Variants in LRP1B observed in about 807,000 individuals in gnomAD.
The protein encoded by LRP1B is low-density lipoprotein receptor-related protein 1B.
In LRP1B, 217 loss-of-function variants were observed where a neutral mutation model predicts 556.6. That is an observed-to-expected ratio of 0.39 (90% CI 0.35 to 0.44). The LOEUF is 0.44. Ranked by LOEUF, LRP1B falls within the 20% of genes least tolerant of loss-of-function variation. The pLI, the probability that LRP1B is intolerant of heterozygous loss-of-function variation, is 1.00. For synonymous variants in LRP1B, 2,047 were observed against 1,865.8 expected (o/e 1.10, Z -2.50); for missense variants, 5,053 against 5,620.8 (o/e 0.90, Z 3.23).
intron 2 of LRP1B, among the ~76,000 whole-genome samples, chr2:141,624,484 T>C (rs1282712890): frequency 2.0e-5 from 3 of 152,134 alleles, no homozygotes; most frequent in Non-Finnish European, 4.4e-5. Flanking sequence ...TTTTTAAATA[T>C]CTATTTAGAA....
At chr2:141,939,220 C>T (rs1040463518) in intron 1 of LRP1B, among the ~76,000 whole-genome samples, 2 of 151,724 alleles carry the variant, frequency 1.3e-5, no homozygotes, top group East Asian at 3.9e-4. Flanking sequence ...TGTATATATA[C>T]ATCAAAATGG....
intron 6 of LRP1B, among the ~76,000 whole-genome samples, chr2:141,215,258 C>G (rs1347873120): frequency 6.6e-6 from 1 of 152,146 alleles, no homozygotes; most frequent in Non-Finnish European, 1.5e-5. Flanking sequence ...TTCCTGAGAC[C>G]TCCCCAGAAG....
At chr2:141,547,049 C>T (rs1289862051) in intron 2 of LRP1B, among the ~76,000 whole-genome samples, 1 of 152,098 alleles carries the variant, frequency 6.6e-6, no homozygotes, top group East Asian at 1.9e-4. Context: ...CTTTTGTTGT[C>T]TAAGCTGGAA....
chr2:141,014,499 C>A (rs1198495953), intron 13 of LRP1B, among the ~76,000 whole-genome samples: 1 of 151,942 alleles, frequency 6.6e-6, no homozygotes, highest in Admixed American at 6.6e-5. Context: ...TACTTTTTCA[C>A]CTTTTACCAT....
chr2:141,072,223 AC>A (rs1699666376), intron 7 of LRP1B, among the ~76,000 whole-genome samples: 4 of 152,224 alleles, frequency 2.6e-5, no homozygotes, highest in Admixed American at 6.5e-5. Context: ...GGTAAAATCC[AC>A]TGCTTTGAGA....
chr2:140,291,664 A>G (rs568816917), intron 84 of LRP1B, among the ~76,000 whole-genome samples: 12 of 152,134 alleles, frequency 7.9e-5, no homozygotes, highest in African/African-American at 2.4e-4. Context: ...GCTGCATAGT[A>G]TTCCATGGTG....
chr2:141,353,130 A>G (rs1040661780), intron 3 of LRP1B, among the ~76,000 whole-genome samples: 1 of 151,938 alleles, frequency 6.6e-6, no homozygotes, highest in Non-Finnish European at 1.5e-5. Flanking sequence ...GTGGACACAG[A>G]AAGATCATAT....
In LRP1B at chr2:140,510,281, C is replaced by G. The variant is rs546496225; in HGVS notation, c.8270-225G>C. Among the ~76,000 whole-genome samples the G allele has an allele frequency of 8.4e-4, 128 of 152,214 alleles. 2 individuals are homozygous for G. The highest frequency in any genetic ancestry group is 2.5e-3 in the African/African-American group (104 of 41,530). On this transcript the variant is annotated intron_variant, in intron 51 of 90. Transcript: ENST00000389484. ...GCTATAATTGTTATATTTCTTAAAG[C>G]TACATGGTAGAAAATAATGTACTTT...
At chr2:140,386,201 G>A (rs1683754169) in intron 66 of LRP1B, among the ~76,000 whole-genome samples, 192 bp from the exon 67 acceptor site, 1 of 152,116 alleles carries the variant, frequency 6.6e-6, no homozygotes, top group Non-Finnish European at 1.5e-5. Flanking sequence ...TGTTGTTACT[G>A]TTCATGCTTT....
At chr2:141,769,972 A>G (rs1444784057) in intron 2 of LRP1B, among the ~76,000 whole-genome samples, 2 of 152,208 alleles carry the variant, frequency 1.3e-5, no homozygotes, top group Non-Finnish European at 2.9e-5. Context: ...GAGTACCTGT[A>G]TCCAATTCCT....
intron 84 of LRP1B, among the ~76,000 whole-genome samples, chr2:140,285,119 G>GTA (rs1044071542): frequency 1.3e-5 from 2 of 149,422 alleles, no homozygotes; most frequent in Non-Finnish European, 3.0e-5. Context: ...ATATGTGTGT[G>GTA]TATATATATG....
intron 1 of LRP1B, among the ~76,000 whole-genome samples, chr2:141,914,754 C>A (rs1699987612): frequency 6.6e-6 from 1 of 151,986 alleles, no homozygotes; most frequent in African/African-American, 2.4e-5. Flanking sequence ...ACATTCTCCC[C>A]CATCTCCCAC....
intron 2 of LRP1B, among the ~76,000 whole-genome samples, chr2:141,538,021 G>T (rs547646234): frequency 7.2e-5 from 11 of 152,234 alleles, no homozygotes; most frequent in African/African-American, 2.6e-4. Flanking sequence ...TCTACTCTTA[G>T]TGTTTTATTT....
At chr2:141,329,655 A>AAAAAAAACAAAACAAAAC (rs1553497029) in intron 3 of LRP1B, among the ~76,000 whole-genome samples, 6 of 138,074 alleles carry the variant, frequency 4.3e-5, no homozygotes, top group African/African-American at 1.7e-4. Context: ...AAAAAAAAAA[A>AAAAAAAACAAAACAAAAC]AAAAAAAAAA....
At chr2:141,566,699 T>A (rs1283304727) in intron 2 of LRP1B, among the ~76,000 whole-genome samples, 2 of 152,120 alleles carry the variant, frequency 1.3e-5, no homozygotes, top group Non-Finnish European at 2.9e-5. Context: ...TTACTGATTA[T>A]AAATAAACTC....
chr2:141,223,757 A>G (rs1435538268), intron 6 of LRP1B, among the ~76,000 whole-genome samples: 2 of 152,202 alleles, frequency 1.3e-5, no homozygotes, highest in Non-Finnish European at 1.5e-5. Context: ...ATCTTTGACA[A>G]ACCTGACAGA....
intron 20 of LRP1B, among the ~76,000 whole-genome samples, chr2:140,935,487 C>A (rs1330755767): frequency 6.6e-6 from 1 of 151,780 alleles, no homozygotes; most frequent in Non-Finnish European, 1.5e-5. Flanking sequence ...ACTTATTGAT[C>A]TGAGGAAAAG....
intron 3 of LRP1B, among the ~76,000 whole-genome samples, chr2:141,367,674 G>C (rs1689094849): frequency 6.6e-6 from 1 of 151,454 alleles, no homozygotes; most frequent in Admixed American, 6.6e-5. Flanking sequence ...AGTAGAGACA[G>C]AGTTTCATCT....
At chr2:140,303,268 G>C (rs1465952767) in intron 83 of LRP1B, among the ~76,000 whole-genome samples, 1 of 151,682 alleles carries the variant, frequency 6.6e-6, no homozygotes, top group African/African-American at 2.4e-5. Context: ...ATTTATTTGA[G>C]ATGGGGTCTC....
Sources: gnomAD v4.1 joint callset for allele counts (sites outside exome capture counted in the v4.1 genomes callset) on GRCh38, gnomAD v4.1.1 for gene constraint, MANE v1.5 for transcripts, NCBI Gene and HGNC (gene_info 2026-07-23, HGNC 2026-07-21) for gene names.